The following PDZD2 variants were observed in gnomAD, a reference collection of about 807,000 sequenced individuals.
The protein encoded by PDZD2 is PDZ domain-containing protein 2.
PDZD2 carries 90 observed loss-of-function variants against 220.7 expected under a neutral mutation model. The observed-to-expected ratio is 0.41, with a 90% confidence interval of 0.34 to 0.49. The LOEUF (loss-of-function observed/expected upper bound fraction) is 0.49. Among genes scored for constraint, PDZD2 ranks in the 20% least tolerant of loss-of-function variants. The probability of loss-of-function intolerance (pLI) is 0.28; values close to 1 mark genes in which losing one functional copy is unlikely to be tolerated. For missense variants in PDZD2, 3,174 were observed against 3,608.5 expected (o/e 0.88, Z 3.08); for synonymous variants, 1,375 against 1,450.5 (o/e 0.95, Z 1.18).
chr5:31,941,258 A>T (rs781331128), intron 2 of PDZD2, among the ~76,000 whole-genome samples: 2 of 152,200 alleles, frequency 1.3e-5, no homozygotes, highest in Non-Finnish European at 2.9e-5. Flanking sequence ...CCCATCTTTG[A>T]GTTGCCAAAT....
intron 13 of PDZD2, among the ~76,000 whole-genome samples, chr5:32,060,253 A>G (rs1269218612): frequency 1.3e-5 from 2 of 152,234 alleles, no homozygotes; most frequent in Non-Finnish European, 2.9e-5. Flanking sequence ...AAAATCCTTT[A>G]ATGACATCCC....
At chr5:32,065,275 G>A (rs1330253404) in intron 14 of PDZD2, among the ~76,000 whole-genome samples, 1 of 152,184 alleles carries the variant, frequency 6.6e-6, no homozygotes, top group African/African-American at 2.4e-5. Context: ...CTCCAGCCTG[G>A]GCCACACAGC....
chr5:31,796,919 GTTTTTTGTTTTTTTGT>G (rs1377297521), intron 1 of PDZD2, among the ~76,000 whole-genome samples: 1 of 145,898 alleles, frequency 6.9e-6, no homozygotes, highest in Non-Finnish European at 1.5e-5. Context: ...TTTTTTGTTT[GTTTTTTGTTTTTTTGT>G]TTTTTTTTTT....
intron 2 of PDZD2, among the ~76,000 whole-genome samples, chr5:31,907,727 C>T (rs577602385): frequency 1.3e-5 from 2 of 152,104 alleles, no homozygotes; most frequent in South Asian, 4.2e-4. Flanking sequence ...TTAATCCCCA[C>T]CCCCCACTCC....
At chr5:31,958,748 G>A (rs1011204101) in intron 2 of PDZD2, among the ~76,000 whole-genome samples, 1 of 151,988 alleles carries the variant, frequency 6.6e-6, no homozygotes, top group Non-Finnish European at 1.5e-5. Flanking sequence ...AGCCTTCCAA[G>A]TAGCTGGTGC....
chr5:31,809,090 T>C (rs1322462651), intron 2 of PDZD2, among the ~76,000 whole-genome samples: 2 of 152,212 alleles, frequency 1.3e-5, no homozygotes, highest in Non-Finnish European at 2.9e-5. Context: ...TGAAAATGGA[T>C]AGTTACATCT....
Position 32,089,265 on chromosome 5 carries a change from C to A in PDZD2, c.5817C>A (p.Asp1939Glu). ...TGTCACAGCGGCTCCATGTAGCCGA[C>A]CACGAGGACCCTGACAGAAACACCA... ...KAVSQRLHVA[D>E]HEDPDRNTTA... Residue 1939 changes from aspartate to glutamate, a missense_variant, in exon 20 of 25, where the codon GAC becomes GAA. Physicochemically the swap from Asp to Glu is conservative, Grantham distance 45 (BLOSUM62 2). Around this residue, in one of 4 missense-constraint regions of PDZD2, gnomAD observed 1,861 missense variants for 2,001.0 expected, o/e 0.93. Coordinates refer to ENST00000438447, the MANE Select transcript of PDZD2 (RefSeq NM_178140.4). 3.7e-6 allele frequency: 6 copies of A among 1,614,188 alleles called. No homozygotes were observed. In the East Asian group the frequency reaches 6.7e-5, roughly 18 times the overall value.
chr5:31,908,082 C>CAAAAAAAAA lies in PDZD2; in HGVS notation c.477-75055_477-75047dup, dbSNP rs55741622. The stretch of plus-strand genomic sequence containing the variant: ...TGGGTGACAGAGCCAGGCTCCGTCT[C>CAAAAAAAAA]AAAAAAAAAAAAAAAAAAAAAAAAA... On this transcript the variant is annotated intron_variant, in intron 2 of 24. Coordinates refer to ENST00000438447, the MANE Select transcript of PDZD2 (RefSeq NM_178140.4). Among the ~76,000 whole-genome samples the CAAAAAAAAA allele has an allele frequency of 9.2e-4, 71 of 76,890 alleles. 1 individual carries two copies. The highest frequency in any genetic ancestry group is 3.5e-3 in the African/African-American group (65 of 18,376). 50.4% of individuals were successfully genotyped at this position (76,890 alleles called of 152,430 possible).
At chr5:31,974,962 T>C (rs554328096) in intron 2 of PDZD2, among the ~76,000 whole-genome samples, 6 of 152,200 alleles carry the variant, frequency 3.9e-5, no homozygotes, top group African/African-American at 1.4e-4. Flanking sequence ...AGTTGATAAT[T>C]TGAATTGGGC....
intron 2 of PDZD2, among the ~76,000 whole-genome samples, chr5:31,947,450 C>T (rs1427571854): frequency 6.6e-6 from 1 of 152,188 alleles, no homozygotes; most frequent in Non-Finnish European, 1.5e-5. Context: ...TTCAGTAAAC[C>T]ATTTCATCCT....
At chr5:31,968,420 G>A (rs949089326) in intron 2 of PDZD2, among the ~76,000 whole-genome samples, 1 of 152,156 alleles carries the variant, frequency 6.6e-6, no homozygotes. Flanking sequence ...TTGGGAGGCT[G>A]AGGTGGGTGG....
rs780479470 is a variant in PDZD2 at position 32,010,422 on chromosome 5, C to T, written c.1347C>T (p.Asn449=). The change falls in exon 6 of 25, where the codon AAC becomes AAT. Residue 449 remains asparagine (N), a synonymous_variant. Transcript: ENST00000438447. ...SVEDVSSWTD[N]EDQEADGEED... ...AAGATGTGTCCTCCTGGACTGATAACGAAGACCAGGAGGCAGACGGGGAAG... is the reference window on the plus strand; with the variant it reads ...AAGATGTGTCCTCCTGGACTGATAATGAAGACCAGGAGGCAGACGGGGAAG... 12 of 1,610,490 alleles carry T rather than the reference C, an allele frequency of 7.5e-6. No individual in the cohort carries two copies. Among genetic ancestry groups the T allele is most frequent in the Non-Finnish European group, 8.5e-6 (10 of 1,176,888 alleles).
At chr5:31,806,293 C>T (rs968878514) in intron 2 of PDZD2, among the ~76,000 whole-genome samples, 1 of 152,058 alleles carries the variant, frequency 6.6e-6, no homozygotes, top group East Asian at 1.9e-4. Flanking sequence ...AGTTTAGGGT[C>T]GATTTGGAAT....
In PDZD2 at chr5:32,000,356, AC is replaced by A; in HGVS notation, c.1254+86del. ...CCCACCTCCCATGCCACACACACAC[AC>A]AAAGACATGTGTGCACTTGTACGTT... On this transcript the variant is annotated intron_variant, in intron 5 of 24. Transcript: ENST00000438447. The surrounding 1 kb of genome is among the most constrained non-coding windows in gnomAD (Gnocchi z 4.5). The A allele has an allele frequency of 3.6e-6, 5 of 1,403,052 alleles. No homozygotes were observed. The highest frequency in any genetic ancestry group is 5.0e-6 in the Non-Finnish European group (5 of 993,576). 86.9% of individuals were successfully genotyped at this position (1,403,052 alleles called of 1,614,324 possible). A position where few individuals can be genotyped will look rare whatever the true frequency, so the allele number is the denominator to read the frequency against.
intron 2 of PDZD2, among the ~76,000 whole-genome samples, chr5:31,887,414 C>G (rs1740609697): frequency 6.6e-6 from 1 of 152,174 alleles, no homozygotes; most frequent in Non-Finnish European, 1.5e-5. Flanking sequence ...GGAGAGACCA[C>G]ATTCGGAGCC....
chr5:32,041,276 C>G (rs1756121872), intron 7 of PDZD2, among the ~76,000 whole-genome samples: 1 of 151,832 alleles, frequency 6.6e-6, no homozygotes, highest in Non-Finnish European at 1.5e-5. Flanking sequence ...GCCTGGCCGC[C>G]CCGTCTGGGA....
chr5:32,033,845 C>G (rs1755317315), intron 6 of PDZD2, among the ~76,000 whole-genome samples: 1 of 152,162 alleles, frequency 6.6e-6, no homozygotes, highest in Non-Finnish European at 1.5e-5. Context: ...TCTTGAACTC[C>G]TGGCCTCAAG....
chr5:31,799,637 C>G lies in PDZD2; in HGVS notation c.389C>G (p.Ala130Gly). The G allele has an allele frequency of 6.2e-7, 1 of 1,614,068 alleles. No individual in the cohort carries two copies. The highest frequency in any genetic ancestry group is 8.5e-7 in the Non-Finnish European group (1 of 1,179,968). Residue 130 changes from alanine to glycine, a missense_variant, in exon 2 of 25, where the codon GCA becomes GGA. Ala to Gly is a moderately conservative substitution (Grantham distance 60). Transcript: ENST00000438447. The stretch of plus-strand genomic sequence containing the variant: ...ACAGAGCTGAGGAAGAACAGCCCAG[C>G]AGGGAAGAGTGGGAAGGTCCGACTG... ...WVTELRKNSP[A>G]GKSGKVRLRD...
chr5:31,856,382 T>C (rs999613697), intron 2 of PDZD2, among the ~76,000 whole-genome samples: 2 of 152,042 alleles, frequency 1.3e-5, no homozygotes, highest in African/African-American at 4.8e-5. Flanking sequence ...TGTCAGGTCT[T>C]AAGGAAGAAA....
Sources: gnomAD v4.1 joint callset for allele counts (sites outside exome capture counted in the v4.1 genomes callset) on GRCh38, gnomAD v4.1.1 for gene constraint, gnomAD v4.1.1 regional missense constraint, Gnocchi (gnomAD v3.1) non-coding constraint, MANE v1.5 for transcripts, NCBI Gene and HGNC (gene_info 2026-07-23, HGNC 2026-07-21) for gene names.